The following NID2 variants were observed in gnomAD, a reference collection of about 807,000 sequenced individuals.
NID2 encodes nidogen-2.
Under a neutral mutation model 145.4 loss-of-function variants are expected in NID2, and 83 were observed. That is an observed-to-expected ratio of 0.57 (90% CI 0.48 to 0.69). The LOEUF is 0.69. Among genes scored for constraint, NID2 ranks in the 30% least tolerant of loss-of-function variants. NID2 has a pLI of 0.00. For missense variants in NID2, 1,807 were observed against 1,765.7 expected (o/e 1.02, Z -0.42); for synonymous variants, 739 against 701.3 (o/e 1.05, Z -0.85).
chr14:52,010,621 A>C (rs1015194863), intron 18 of NID2: 1 of 357,078 alleles, frequency 2.8e-6, no homozygotes, highest in East Asian at 4.6e-5. Context: ...AATTTTCTAC[A>C]TATCACATCA....
rs771469289 is a variant in NID2 at position 52,011,662 on chromosome 14, C to T, written c.3442G>A (p.Asp1148Asn). The change falls in exon 17 of 22, where the codon GAT (aspartate) becomes AAT (asparagine). Residue 1148 changes from aspartate to asparagine, a missense_variant. Coordinates refer to ENST00000216286, the MANE Select transcript of NID2 (RefSeq NM_007361.4). Reference sequence around the variant, plus strand: ...ACCATCCTCTCCCGGCAGTCGTAATCAATTCCCACGATTATGGAGCCCTTT... The same window carrying T: ...ACCATCCTCTCCCGGCAGTCGTAATTAATTCCCACGATTATGGAGCCCTTT... ...SLHGSIIVGI[D>N]YDCRERMVYW... 1 of 1,614,204 alleles carries T rather than the reference C, an allele frequency of 6.2e-7. No individual in the cohort carries two copies. The highest frequency in any genetic ancestry group is 1.7e-5 in the Admixed American group (1 of 60,020).
intron 5 of NID2, among the ~76,000 whole-genome samples, 154 bp from the exon 6 acceptor site, chr14:52,043,085 A>G (rs1892345954): frequency 6.6e-6 from 1 of 152,202 alleles, no homozygotes; most frequent in South Asian, 2.1e-4. Flanking sequence ...ACCCAAGGGA[A>G]TTAATCTGCT....
intron 7 of NID2, 120 bp downstream of exon 7, chr14:52,041,985 G>A: frequency 1.6e-6 from 2 of 1,259,016 alleles, no homozygotes; most frequent in Non-Finnish European, 1.1e-6. Context: ...CACACATGTG[G>A]CTCTAGTACA....
chr14:52,019,549 C>G (rs986394147), intron 13 of NID2, among the ~76,000 whole-genome samples: 2 of 152,118 alleles, frequency 1.3e-5, no homozygotes, highest in African/African-American at 4.8e-5. Flanking sequence ...TGAGGGATAG[C>G]GGTGGCATCT....
chr14:52,043,015 A>AT, intron 5 of NID2, 84 bp from the exon 6 acceptor site: 1 of 1,342,432 alleles, frequency 7.4e-7, no homozygotes, highest in Non-Finnish European at 1.1e-6. Flanking sequence ...TCTGCTCCAT[A>AT]GAAGCAGTTT....
intron 5 of NID2, among the ~76,000 whole-genome samples, chr14:52,043,761 A>C (rs192321408): frequency 6.6e-6 from 1 of 152,164 alleles, no homozygotes. Flanking sequence ...GCCATAGTTC[A>C]TAAAGGAAAT....
intron 19 of NID2, 82 bp from the exon 20 acceptor site, chr14:52,006,742 TAGAA>T: frequency 3.5e-6 from 5 of 1,441,818 alleles, no homozygotes; most frequent in Non-Finnish European, 4.8e-6. Flanking sequence ...GACACAGTGA[TAGAA>T]TGGGGAAATA....
chr14:52,039,701 T>A (rs560916569), intron 8 of NID2, among the ~76,000 whole-genome samples: 1 of 152,338 alleles, frequency 6.6e-6, no homozygotes, highest in African/African-American at 2.4e-5. Context: ...ACAGCAGCTG[T>A]GATGGAGGCA....
intron 14 of NID2, among the ~76,000 whole-genome samples, chr14:52,018,552 T>C (rs1891294326): frequency 6.6e-6 from 1 of 152,204 alleles, no homozygotes; most frequent in South Asian, 2.1e-4. Flanking sequence ...AGGGCTGGGA[T>C]TGTCAGTTTA....
chr14:52,053,951 A>C lies in NID2; in HGVS notation c.1070-13T>G. On this transcript the variant is annotated splice_polypyrimidine_tract_variant and intron_variant, in intron 4 of 21. Coordinates refer to ENST00000216286, the MANE Select transcript of NID2 (RefSeq NM_007361.4). ...AAGGTGGAAGATTCTGTTTCAGGAT[A>C]GAATGGCCAATAAGTAGGTGTTGGA... 6.2e-7 allele frequency: 1 copy of C among 1,612,692 alleles called. No homozygotes were observed. Among genetic ancestry groups the C allele is most frequent in the Non-Finnish European group, 8.5e-7 (1 of 1,179,248 alleles).
chr14:52,020,002 A>G, intron 13 of NID2, 57 bp downstream of exon 13: 2 of 1,597,144 alleles, frequency 1.3e-6, no homozygotes, highest in Non-Finnish European at 8.5e-7. Context: ...GTCATAGAAA[A>G]ATATCCTTGA....
At chr14:52,059,309 G>A (rs192316282) in intron 3 of NID2, among the ~76,000 whole-genome samples, 259 of 152,272 alleles carry the variant, frequency 1.7e-3, no homozygotes, top group African/African-American at 6.0e-3. Context: ...AAAGTGTAAG[G>A]TGTTTCTATA....
intron 5 of NID2, among the ~76,000 whole-genome samples, chr14:52,047,186 C>A (rs1290254568): frequency 6.6e-6 from 1 of 152,146 alleles, no homozygotes; most frequent in Non-Finnish European, 1.5e-5. Flanking sequence ...AGTCAATAAA[C>A]AAGTAAATTA....
At chr14:52,049,517 G>A (rs886644213) in intron 5 of NID2, among the ~76,000 whole-genome samples, 7 of 151,858 alleles carry the variant, frequency 4.6e-5, no homozygotes, top group East Asian at 1.9e-4. Flanking sequence ...AGGAGGCTTC[G>A]TGCACAGGGC....
chr14:52,006,210 C>T lies in NID2; in HGVS notation c.4004+327G>A, dbSNP rs1302350988. ...CCAACTTAAGCCCTGTAATATAGCTCATGGTATCAAGGGTAGTCTTATTCT... is the reference window on the plus strand; with the variant it reads ...CCAACTTAAGCCCTGTAATATAGCTTATGGTATCAAGGGTAGTCTTATTCT... On this transcript the variant is annotated intron_variant, in intron 20 of 21. Coordinates refer to ENST00000216286, the MANE Select transcript of NID2 (RefSeq NM_007361.4). 7.6e-6 allele frequency: 3 copies of T among 392,684 alleles called. No homozygotes were observed. The East Asian group carries it at 1.5e-4, about 20-fold the overall frequency. The allele number at this position is 392,684 out of a possible 1,614,324, so 24.3% of individuals were successfully genotyped here.
intron 5 of NID2, among the ~76,000 whole-genome samples, chr14:52,048,476 C>G (rs944970422): frequency 6.6e-6 from 1 of 152,022 alleles, no homozygotes; most frequent in African/African-American, 2.4e-5. Context: ...TGGATCCCAG[C>G]TAGATGAGAT....
intron 3 of NID2, among the ~76,000 whole-genome samples, chr14:52,055,941 T>TGTGTTTGTG (rs1892829878): frequency 6.6e-6 from 1 of 150,490 alleles, no homozygotes; most frequent in Non-Finnish European, 1.5e-5. Context: ...TTGTGTGTGT[T>TGTGTTTGTG]TGTGTGTGTG....
intron 17 of NID2, 70 bp from the exon 18 acceptor site, chr14:52,011,117 G>A (rs1151579): frequency 0.27 from 400,388 of 1,508,616 alleles, 55,291 homozygotes; most frequent in East Asian, 0.54. Context: ...GCCCTCCAAC[G>A]GTCGGGTGGG....
intron 13 of NID2, among the ~76,000 whole-genome samples, chr14:52,019,620 C>T (rs530908367): frequency 5.2e-4 from 79 of 152,196 alleles, no homozygotes; most frequent in African/African-American, 1.7e-3. Context: ...CCCTGAGGCC[C>T]ACAGGTTAAG....
Sources: gnomAD v4.1 joint callset for allele counts (sites outside exome capture counted in the v4.1 genomes callset) on GRCh38, gnomAD v4.1.1 for gene constraint, MANE v1.5 for transcripts, NCBI Gene and HGNC (gene_info 2026-07-23, HGNC 2026-07-21) for gene names.